The following TMEM109 variants were observed in gnomAD, a reference collection of about 807,000 sequenced individuals.
TMEM109 encodes transmembrane protein 109.
TMEM109 carries 19 observed loss-of-function variants against 26.4 expected under a neutral mutation model. The ratio of observed to expected loss-of-function variants is 0.72; its 90% CI spans 0.50 to 1.06. The LOEUF is 1.06. Ranked by LOEUF, TMEM109 falls within the 50% of genes least tolerant of loss-of-function variation. The probability of loss-of-function intolerance (pLI) is 0.00; values close to 1 mark genes in which losing one functional copy is unlikely to be tolerated. For missense variants in TMEM109, 262 were observed against 303.4 expected, an observed-to-expected ratio of 0.86 and a Z score of 1.01; for synonymous variants, 129 against 142.0, an observed-to-expected ratio of 0.91 and a Z score of 0.65.
rs766172529 is a variant in TMEM109, at chr11:60,922,185, G to A, written c.*20G>A. 1.5e-5 allele frequency: 23 copies of A among 1,562,456 alleles called. No individual in the cohort carries two copies. Among genetic ancestry groups the A allele is most frequent in the East Asian group, 7.2e-5 (3 of 41,430 alleles). ...GAGTGAGCCGGATGCCCCACACACC[G>A]CCAGTGTCATACCAAAGAGCTGAGC... On this transcript the variant is annotated 3_prime_UTR_variant, in exon 4 of 4. Coordinates refer to ENST00000227525, the MANE Select transcript of TMEM109 (RefSeq NM_024092.3).
chr11:60,921,007 G>A lies in TMEM109; in HGVS notation c.340+19G>A. Reference sequence around the variant, plus strand: ...CTAGCTGGTGAGTGTTCGAGTGCTGGGTAGTCAGCCAGAGCTTTGCCTGTA... The same window carrying A: ...CTAGCTGGTGAGTGTTCGAGTGCTGAGTAGTCAGCCAGAGCTTTGCCTGTA... On this transcript the variant is annotated intron_variant, in intron 3 of 3. Transcript: ENST00000227525. 2 of 1,605,458 alleles carry A rather than the reference G, an allele frequency of 1.2e-6. No individual in the cohort carries two copies. The highest frequency in any genetic ancestry group is 1.7e-6 in the Non-Finnish European group (2 of 1,172,510).
In TMEM109 at chr11:60,921,901, G is replaced by A. The variant is rs1429563435; in HGVS notation, c.468G>A (p.Leu156=). The A allele has an allele frequency of 1.2e-6, 2 of 1,614,074 alleles. No individual in the cohort carries two copies. Among genetic ancestry groups the A allele is most frequent in the African/African-American group, 2.7e-5 (2 of 74,940 alleles). The part of the protein sequence containing the change: ...SLLLGLVLAL[L]GRILWGLKLV... Reference sequence around the variant, plus strand: ...TCCTCGGCTTGGTCTTGGCCTTGCTGGGGCGGATCCTGTGGGGCCTGAAGC... The same window carrying A: ...TCCTCGGCTTGGTCTTGGCCTTGCTAGGGCGGATCCTGTGGGGCCTGAAGC... The change falls in exon 4 of 4, where the codon CTG becomes CTA. Residue 156 remains leucine, a synonymous_variant. Transcript: ENST00000227525.
chr11:60,920,040 C>A, intron 2 of TMEM109, 110 bp downstream of exon 2: 1 of 889,630 alleles, frequency 1.1e-6, no homozygotes. Flanking sequence ...TGCAGAGAGC[C>A]CCAAATTCCA....
chr11:60,922,551 C>A lies in TMEM109; in HGVS notation c.*386C>A. The stretch of plus-strand genomic sequence containing the variant: ...TTGGCTTCCTCCTAATGCTCGTGCT[C>A]TCCTGTCCTTCTGAAGTTGCTCCTT... On this transcript the variant is annotated 3_prime_UTR_variant, in exon 4 of 4. Transcript: ENST00000227525. 1 of 420,976 alleles carries A rather than the reference C, an allele frequency of 2.4e-6. No individual in the cohort carries two copies. Among genetic ancestry groups the A allele is most frequent in the Non-Finnish European group, 4.3e-6 (1 of 230,960 alleles). The allele number at this position is 420,976 out of a possible 1,614,324, so 26.1% of individuals were successfully genotyped here. A position where few individuals can be genotyped will look rare whatever the true frequency, so the allele number is the denominator to read the frequency against.
chr11:60,920,790 C>A, intron 2 of TMEM109, 96 bp from the exon 3 acceptor site: 1 of 1,109,018 alleles, frequency 9.0e-7, no homozygotes, highest in Non-Finnish European at 1.4e-6. Flanking sequence ...AGGTCTGAGA[C>A]ATTCCTGCAG....
intron 3 of TMEM109, 107 bp downstream of exon 3, chr11:60,921,095 C>T: frequency 1.0e-6 from 1 of 997,466 alleles, no homozygotes; most frequent in Non-Finnish European, 1.5e-6. Flanking sequence ...CTGCTTAACC[C>T]TTCCCAGGAT....
rs1176503790 is a variant in TMEM109 at position 60,916,684 on chromosome 11, C to A, written c.-9+2416C>A. Among the ~76,000 whole-genome samples the A allele has an allele frequency of 3.3e-5, 5 of 152,232 alleles. No individual in the cohort carries two copies. The East Asian group carries it at 7.7e-4, about 23-fold the overall frequency. ...GTTAGGTTTGGTATCTGGTGCACTTCAGAACATCAGTCTGCATAACGATGC... is the reference window on the plus strand; with the variant it reads ...GTTAGGTTTGGTATCTGGTGCACTTAAGAACATCAGTCTGCATAACGATGC... On this transcript the variant is annotated intron_variant, in intron 1 of 3. Transcript: ENST00000227525.
chr11:60,923,332 G>T lies in TMEM109; in HGVS notation c.*1167G>T, dbSNP rs1392202241. On this transcript the variant is annotated 3_prime_UTR_variant, in exon 4 of 4. Transcript: ENST00000227525. ...TGCCCAATTCTTACTGTTCAGGTTT[G>T]ATGTGGAATCACAGCTGCAGTGATA... 2.6e-5 allele frequency: 4 copies of T among 152,702 alleles called. No homozygotes were observed. The highest frequency in any genetic ancestry group is 1.3e-4 in the Admixed American group (2 of 15,292). 9.5% of individuals were successfully genotyped at this position (152,702 alleles called of 1,614,324 possible).
intron 2 of TMEM109, 146 bp from the exon 3 acceptor site, chr11:60,920,740 C>T: frequency 2.7e-6 from 2 of 740,314 alleles, no homozygotes. Flanking sequence ...CCCAAGGCCC[C>T]TACCCTCTGA....
At chr11:60,915,004 T>C (rs1856158156) in intron 1 of TMEM109, among the ~76,000 whole-genome samples, 2 of 152,270 alleles carry the variant, frequency 1.3e-5, no homozygotes, top group Non-Finnish European at 2.9e-5. Context: ...TCCATGGCTT[T>C]CTCGTTCGAC....
Position 60,914,200 on chromosome 11 carries a change from G to C in TMEM109, c.-77G>C, listed in dbSNP as rs914452824. The stretch of plus-strand genomic sequence containing the variant: ...CGGAGAAGGTAAACCAGCGCCCCGA[G>C]TTGAGGCGCGGGTTTGGTGGCGCGT... On this transcript the variant is annotated 5_prime_UTR_variant, in exon 1 of 4. Transcript: ENST00000227525. 1 of 152,260 alleles carries C rather than the reference G, an allele frequency of 6.6e-6. No homozygotes were observed. The highest frequency in any genetic ancestry group is 1.5e-5 in the Non-Finnish European group (1 of 68,050). The allele number at this position is 152,260 out of a possible 1,614,324, so 9.4% of individuals were successfully genotyped here. A position where few individuals can be genotyped will look rare whatever the true frequency, so the allele number is the denominator to read the frequency against.
At position 60,919,883 on chromosome 11, in the gene TMEM109, A is replaced by T. The variant is rs1212676459; in HGVS notation, c.190A>T (p.Thr64Ser). The part of the protein sequence containing the change: ...LTQIGRSVRG[T>S]LDAWIGPETM... ...CCAGATAGGTCGATCTGTGCGAGGG[A>T]CACTGGATGCCTGGATTGGGCCAGA... Residue 64 changes from threonine (T) to serine (S), a missense_variant, in exon 2 of 4, where the codon ACA becomes TCA. Thr to Ser is a moderately conservative substitution (Grantham distance 58, BLOSUM62 1). Coordinates refer to ENST00000227525, the MANE Select transcript of TMEM109 (RefSeq NM_024092.3). The T allele has an allele frequency of 6.2e-7, 1 of 1,614,052 alleles. No homozygotes were observed. Among genetic ancestry groups the T allele is most frequent in the Non-Finnish European group, 8.5e-7 (1 of 1,180,018 alleles).
Position 60,919,819 on chromosome 11 carries a change from A to C in TMEM109, c.126A>C (p.Pro42=), listed in dbSNP as rs1856214171. The part of the protein sequence containing the change: ...LAQSRRDFAP[P]GQQKREAPVD... ...AGTCCCGTCGAGACTTTGCACCACC[A>C]GGCCAACAGAAGAGAGAAGCCCCAG... is the stretch of plus-strand genomic sequence containing the variant. The change falls in exon 2 of 4, where the codon CCA becomes CCC. Residue 42 remains proline, a synonymous_variant. Coordinates refer to ENST00000227525, the MANE Select transcript of TMEM109 (RefSeq NM_024092.3). 6.2e-7 allele frequency: 1 copy of C among 1,614,242 alleles called. No individual in the cohort carries two copies.
chr11:60,914,738 C>G (rs1324876879), intron 1 of TMEM109, among the ~76,000 whole-genome samples: 1 of 152,270 alleles, frequency 6.6e-6, no homozygotes, highest in Non-Finnish European at 1.5e-5. Context: ...ACCCTGTCTC[C>G]GGGAGGCTGC....
In TMEM109 at chr11:60,920,998, C is replaced by G. The variant is rs745398527; in HGVS notation, c.340+10C>G. On this transcript the variant is annotated intron_variant, in intron 3 of 3. Transcript: ENST00000227525. ...GCCTTGGGACTAGCTGGTGAGTGTT[C>G]GAGTGCTGGGTAGTCAGCCAGAGCT... The G allele has an allele frequency of 6.2e-7, 1 of 1,611,728 alleles. No individual in the cohort carries two copies. The highest frequency in any genetic ancestry group is 1.1e-5 in the South Asian group (1 of 91,018).
Position 60,922,652 on chromosome 11 carries a change from G to A in TMEM109, c.*487G>A, listed in dbSNP as rs77661705. The stretch of plus-strand genomic sequence containing the variant: ...TCCCACCAAACCATGGTCCTTTAAG[G>A]CACGCTCCTGTCCTCCTCATTGCCC... On this transcript the variant is annotated 3_prime_UTR_variant, in exon 4 of 4. Coordinates refer to ENST00000227525, the MANE Select transcript of TMEM109 (RefSeq NM_024092.3). 6,882 of 331,204 alleles carry A rather than the reference G, an allele frequency of 0.021. 370 individuals are homozygous for A. Among genetic ancestry groups the A allele is most frequent in the African/African-American group, 0.13 (5,875 of 46,472 alleles). 20.5% of individuals were successfully genotyped at this position (331,204 alleles called of 1,614,324 possible). A position where few individuals can be genotyped will look rare whatever the true frequency, so the allele number is the denominator to read the frequency against.
At position 60,919,755 on chromosome 11, in the gene TMEM109, T is replaced by C. The variant is rs1856212220; in HGVS notation, c.62T>C (p.Val21Ala). Reference sequence around the variant, plus strand: ...CATGTGTTCAAAGCCATTCTGATGGTCCTAGTGGCCCTTATCCTCCTCCAC... The same window carrying C: ...CATGTGTTCAAAGCCATTCTGATGGCCCTAGTGGCCCTTATCCTCCTCCAC... ...GKHVFKAILM[V>A]LVALILLHSA... The change falls in exon 2 of 4, where the codon GTC (valine) becomes GCC (alanine). Residue 21 changes from valine (V) to alanine (A), a missense_variant. Physicochemically the swap from Val to Ala is moderately conservative, Grantham distance 64. Transcript: ENST00000227525. 2 of 1,614,052 alleles carry C rather than the reference T, an allele frequency of 1.2e-6. No homozygotes were observed. The highest frequency in any genetic ancestry group is 1.7e-6 in the Non-Finnish European group (2 of 1,180,050).
In TMEM109 at chr11:60,921,191, G is replaced by A. The variant is rs185766806; in HGVS notation, c.340+203G>A. 1.1e-4 allele frequency among the ~76,000 whole-genome samples: 17 copies of A among 152,306 alleles called. 1 individual carries two copies. In the South Asian group the frequency reaches 3.5e-3, roughly 32 times the overall value. On this transcript the variant is annotated intron_variant, in intron 3 of 3. Transcript: ENST00000227525. ...CGCCTGTAATCCCAGCACTTTGGGA[G>A]GTCAAGGCAGGAGGGTCACTTGAGG... is the stretch of plus-strand genomic sequence containing the variant.
At chr11:60,915,725 G>A (rs1206836667) in intron 1 of TMEM109, among the ~76,000 whole-genome samples, 2 of 152,176 alleles carry the variant, frequency 1.3e-5, no homozygotes, top group African/African-American at 4.8e-5. Context: ...GGAAAGAGAA[G>A]AGGAGGAAGG....
Sources: gnomAD v4.1 joint callset for allele counts (sites outside exome capture counted in the v4.1 genomes callset) on GRCh38, gnomAD v4.1.1 for gene constraint, MANE v1.5 for transcripts, NCBI Gene and HGNC (gene_info 2026-07-23, HGNC 2026-07-21) for gene names.